CD244: variants seen among roughly 807,000 people sequenced by gnomAD.
The protein encoded by CD244 is natural killer cell receptor 2B4.
Under a neutral mutation model 45.5 loss-of-function variants are expected in CD244, and 20 were observed. The observed-to-expected ratio is 0.44, with a 90% CI of 0.31 to 0.64. CD244 has a LOEUF of 0.64. Ranked by LOEUF, CD244 falls within the 30% of genes least tolerant of loss-of-function variation. The probability of loss-of-function intolerance (pLI) is 0.08; values close to 1 mark genes in which losing one functional copy is unlikely to be tolerated. For missense variants in CD244, 407 were observed against 426.9 expected (o/e 0.95, Z 0.41); for synonymous variants, 185 against 160.5 (o/e 1.15, Z -1.15).
intron 6 of CD244, among the ~76,000 whole-genome samples, chr1:160,834,572 C>A (rs1244602723): frequency 6.6e-6 from 1 of 152,196 alleles, no homozygotes; most frequent in African/African-American, 2.4e-5. Flanking sequence ...AGGCTGGTCT[C>A]AAACCCCTGA....
intron 1 of CD244, among the ~76,000 whole-genome samples, chr1:160,843,624 A>G (rs1669624028): frequency 6.6e-6 from 1 of 152,236 alleles, no homozygotes; most frequent in Admixed American, 6.5e-5. Flanking sequence ...CATCGAAGGA[A>G]TTCTAATTAT....
intron 1 of CD244, among the ~76,000 whole-genome samples, chr1:160,854,119 G>T (rs1670020034): frequency 6.6e-6 from 1 of 152,174 alleles, no homozygotes; most frequent in Non-Finnish European, 1.5e-5. Flanking sequence ...GGAGAATGGG[G>T]TGATGGAACA....
chr1:160,854,400 T>G (rs1274822492), intron 1 of CD244, among the ~76,000 whole-genome samples: 1 of 152,078 alleles, frequency 6.6e-6, no homozygotes, highest in African/African-American at 2.4e-5. Context: ...TTGTTTGTTT[T>G]AAGACAGAGT....
chr1:160,840,156 A>G (rs191562277), intron 3 of CD244, among the ~76,000 whole-genome samples: 3 of 149,584 alleles, frequency 2.0e-5, no homozygotes, highest in Admixed American at 2.0e-4. Flanking sequence ...TTAAATAGAG[A>G]TGGGATTACA....
intron 1 of CD244, among the ~76,000 whole-genome samples, chr1:160,860,645 T>C (rs1457028094): frequency 6.6e-6 from 1 of 152,182 alleles, no homozygotes; most frequent in Admixed American, 6.5e-5. Context: ...CTCAAGTGGT[T>C]CAGCAAAAAT....
At chr1:160,860,855 A>C (rs1271777108) in intron 1 of CD244, among the ~76,000 whole-genome samples, 1 of 152,244 alleles carries the variant, frequency 6.6e-6, no homozygotes, top group Non-Finnish European at 1.5e-5. Flanking sequence ...CAGTCAACTT[A>C]TGCCAGGCCT....
At chr1:160,839,388 C>T (rs555388571) in intron 3 of CD244, among the ~76,000 whole-genome samples, 8 of 152,250 alleles carry the variant, frequency 5.3e-5, no homozygotes, top group South Asian at 2.1e-4. Flanking sequence ...AAGGGGATAA[C>T]GTTATCTACC....
In CD244 at chr1:160,841,336, G is replaced by A. The variant is rs1217970607; in HGVS notation, c.529C>T (p.Leu177Phe). 2.5e-6 allele frequency: 4 copies of A among 1,614,082 alleles called. No homozygotes were observed. The highest frequency in any genetic ancestry group is 2.7e-5 in the African/African-American group (2 of 74,936). The change falls in exon 3 of 9, where the codon CTC (leucine) becomes TTC (phenylalanine). Residue 177 changes from leucine to phenylalanine, a missense_variant. By Grantham distance (22) the Leu-to-Phe change is conservative. Coordinates refer to ENST00000368034, the MANE Select transcript of CD244 (RefSeq NM_016382.4). ...TCAACCTCCTCGTCCAGGTAGGTGA[G>A]GTTCCCTGCTGTCTGGATCAGCTTG... ...GSKLIQTAGNLTYLDEEVDIN... is the reference protein window; with the variant it reads ...GSKLIQTAGNFTYLDEEVDIN...
At chr1:160,856,515 T>G (rs1670110781) in intron 1 of CD244, among the ~76,000 whole-genome samples, 1 of 152,238 alleles carries the variant, frequency 6.6e-6, no homozygotes, top group African/African-American at 2.4e-5. Flanking sequence ...CTCTTATTTA[T>G]TCTTCAAGGC....
rs781260869 is a variant in CD244, at chr1:160,841,865, G to A, written c.98C>T (p.Ser33Leu). ...TGGTTGTAACTGAAGAGGCACTCCC[G>A]AGATGCTAACCACATGGTCAGCTGA... ...QGSADHVVSISGVPLQLQPNS... is the reference protein window; with the variant it reads ...QGSADHVVSILGVPLQLQPNS... The change falls in exon 2 of 9, where the codon TCG becomes TTG. Residue 33 changes from serine to leucine, a missense_variant. Physicochemically the swap from Ser to Leu is moderately radical, Grantham distance 145. Transcript: ENST00000368034. 41 of 1,613,990 alleles carry A rather than the reference G, an allele frequency of 2.5e-5. No homozygotes were observed. The highest frequency in any genetic ancestry group is 2.0e-4 in the African/African-American group (15 of 74,912).
At chr1:160,845,607 G>C (rs1251730701) in intron 1 of CD244, among the ~76,000 whole-genome samples, 1 of 152,178 alleles carries the variant, frequency 6.6e-6, no homozygotes, top group African/African-American at 2.4e-5. Flanking sequence ...TGTAATCCCA[G>C]CACTTTGGGA....
intron 1 of CD244, 89 bp from the exon 2 acceptor site, chr1:160,841,990 T>C: frequency 9.3e-7 from 1 of 1,074,362 alleles, no homozygotes; most frequent in Non-Finnish European, 1.4e-6. Context: ...CTTAAGCCAA[T>C]TGGGTGGGGA....
chr1:160,832,610 G>A (rs750880014), intron 7 of CD244, 35 bp from the exon 8 acceptor site: 20 of 1,608,760 alleles, frequency 1.2e-5, no homozygotes, highest in Non-Finnish European at 1.6e-5. Context: ...ACTTAACTTC[G>A]AGATAAGTGC....
At chr1:160,859,915 A>G (rs1855188) in intron 1 of CD244, among the ~76,000 whole-genome samples, 38,701 of 151,880 alleles carry the variant, frequency 0.25, 5,466 homozygotes, top group East Asian at 0.4. Flanking sequence ...CTCTTGAAAA[A>G]TAATAATAGG....
intron 1 of CD244, among the ~76,000 whole-genome samples, chr1:160,852,532 G>T (rs529024949): frequency 6.6e-6 from 1 of 151,914 alleles, no homozygotes; most frequent in Admixed American, 6.5e-5. Flanking sequence ...CTGGGTGACA[G>T]ACTGAGACTT....
At chr1:160,845,067 A>G (rs1181126259) in intron 1 of CD244, among the ~76,000 whole-genome samples, 1 of 152,172 alleles carries the variant, frequency 6.6e-6, no homozygotes, top group African/African-American at 2.4e-5. Flanking sequence ...AGAGGAAACC[A>G]AAAGAACCAC....
At chr1:160,860,445 CAA>C (rs879796905) in intron 1 of CD244, among the ~76,000 whole-genome samples, 1 of 135,472 alleles carries the variant, frequency 7.4e-6, no homozygotes, top group Non-Finnish European at 1.6e-5. Context: ...CTTGGGTCAG[CAA>C]AAAAAAAAAA....
intron 1 of CD244, among the ~76,000 whole-genome samples, chr1:160,843,745 A>C (rs1669628453): frequency 6.6e-6 from 1 of 152,260 alleles, no homozygotes; most frequent in South Asian, 2.1e-4. Context: ...GAGAGTTTAT[A>C]AAGCAGTGAA....
At chr1:160,838,912 G>A in intron 4 of CD244, 27 bp downstream of exon 4, 1 of 1,506,160 alleles carries the variant, frequency 6.6e-7, no homozygotes, top group Non-Finnish European at 9.2e-7. Flanking sequence ...TCAGGCAGGA[G>A]CACCACCCTA....
Sources: allele counts gnomAD v4.1 joint callset (sites outside exome capture counted in the v4.1 genomes callset), GRCh38; gene constraint gnomAD v4.1.1; transcripts MANE v1.5; gene names NCBI Gene and HGNC (gene_info 2026-07-23, HGNC 2026-07-21).